PTPRM: variants seen among roughly 807,000 people sequenced by gnomAD.
PTPRM encodes receptor-type tyrosine-protein phosphatase mu.
In PTPRM, 47 loss-of-function variants were observed where a neutral mutation model predicts 186.7. The observed-to-expected ratio is 0.25, with a 90% confidence interval of 0.20 to 0.32. The LOEUF is 0.32. Among genes scored for constraint, PTPRM ranks in the 10% least tolerant of loss-of-function variants. PTPRM has a pLI of 1.00. For synonymous variants in PTPRM, 668 were observed against 674.9 expected (o/e 0.99, Z 0.16); for missense variants, 1,494 against 1,865.0 (o/e 0.80, Z 3.66).
Position 8,225,455 on chromosome 18 carries a change from T to C in PTPRM, c.2301-18603T>C, listed in dbSNP as rs4538069. 3.9e-5 allele frequency among the ~76,000 whole-genome samples: 6 copies of C among 152,306 alleles called. No homozygotes were observed. The East Asian group carries it at 9.7e-4, about 25-fold the overall frequency. On this transcript the variant is annotated intron_variant, in intron 14 of 32. Transcript: ENST00000580170. ...TCTGGTACAACAGGATGTTCTTAGCTCATCTTCTGTATTGTCTGCCCCATG... is the reference window on the plus strand; with the variant it reads ...TCTGGTACAACAGGATGTTCTTAGCCCATCTTCTGTATTGTCTGCCCCATG...
rs576329607 is a variant in PTPRM, at chr18:7,639,168, G to A, written c.73+71277G>A. ...CCACTCACTGCAAGCTCCACCTCCA[G>A]GGTTCACGCCATTCTCCTGCCTCAG... On this transcript the variant is annotated intron_variant, in intron 1 of 32. Transcript: ENST00000580170. Among the ~76,000 whole-genome samples the A allele has an allele frequency of 2.0e-5, 3 of 152,228 alleles. No homozygotes were observed. In the South Asian group the frequency reaches 6.2e-4, roughly 32 times the overall value.
chr18:7,588,079 T>G lies in PTPRM; in HGVS notation c.73+20188T>G, dbSNP rs1269956031. ...ATAATGAATCTACTTTGTTTCTTAT[T>G]AGTCTATAGGAATGCCATATAATGG... On this transcript the variant is annotated intron_variant, in intron 1 of 32. Coordinates refer to ENST00000580170, the MANE Select transcript of PTPRM (RefSeq NM_001105244.2). 5.9e-5 allele frequency among the ~76,000 whole-genome samples: 9 copies of G among 152,302 alleles called. No homozygotes were observed. The South Asian group carries it at 1.9e-3, about 32-fold the overall frequency.
intron 2 of PTPRM, among the ~76,000 whole-genome samples, chr18:7,785,367 A>G (rs989627621): frequency 3.9e-5 from 6 of 152,224 alleles, no homozygotes; most frequent in Non-Finnish European, 7.3e-5. Flanking sequence ...CCTCGTTCTT[A>G]GGAGATTCAT....
chr18:7,952,267 A>AGTTTT (rs147762355), intron 6 of PTPRM, among the ~76,000 whole-genome samples: 1,880 of 152,362 alleles, frequency 0.012, 28 homozygotes, highest in African/African-American at 0.043. Flanking sequence ...ATTTAGAATT[A>AGTTTT]GTTTTATGGT....
intron 11 of PTPRM, among the ~76,000 whole-genome samples, chr18:8,110,662 C>T (rs1054026357): frequency 3.4e-4 from 51 of 152,166 alleles, no homozygotes; most frequent in African/African-American, 1.2e-3. Context: ...GAACGTCCTC[C>T]CTGAAAGTAA....
At chr18:8,286,149 G>T (rs2094954816) in intron 19 of PTPRM, among the ~76,000 whole-genome samples, 1 of 152,242 alleles carries the variant, frequency 6.6e-6, no homozygotes, top group Admixed American at 6.5e-5. Flanking sequence ...CTCGTGAGTT[G>T]CTGCTGAGTC....
At chr18:8,336,154 A>G (rs2095437855) in intron 22 of PTPRM, among the ~76,000 whole-genome samples, 1 of 152,224 alleles carries the variant, frequency 6.6e-6, no homozygotes, top group Non-Finnish European at 1.5e-5. Flanking sequence ...ATTGTTTCAG[A>G]CAGGGAAGTG....
intron 2 of PTPRM, among the ~76,000 whole-genome samples, chr18:7,869,801 T>C (rs2146167113): frequency 6.6e-6 from 1 of 152,300 alleles, no homozygotes; most frequent in African/African-American, 2.4e-5. Flanking sequence ...CAAGTAATTA[T>C]TAGATGCTTT....
chr18:8,027,621 G>A (rs184880145), intron 7 of PTPRM, among the ~76,000 whole-genome samples: 15 of 152,188 alleles, frequency 9.9e-5, no homozygotes, highest in African/African-American at 2.4e-4. Flanking sequence ...GACTTCCCAC[G>A]TGGCAAAATA....
intron 7 of PTPRM, among the ~76,000 whole-genome samples, chr18:8,030,018 GC>G (rs1310270691): frequency 6.6e-6 from 1 of 152,124 alleles, no homozygotes; most frequent in African/African-American, 2.4e-5. Flanking sequence ...AGTAAACAGC[GC>G]AGACCAATCC....
At chr18:7,835,999 G>A (rs890392687) in intron 2 of PTPRM, among the ~76,000 whole-genome samples, 21 of 152,150 alleles carry the variant, frequency 1.4e-4, no homozygotes, top group Admixed American at 2.0e-4. Flanking sequence ...TATGCCTGAA[G>A]TATGTTTCTT....
intron 1 of PTPRM, among the ~76,000 whole-genome samples, chr18:7,713,517 A>G (rs537660589): frequency 1.1e-4 from 17 of 152,274 alleles, no homozygotes; most frequent in Admixed American, 3.9e-4. Context: ...TTCACACATA[A>G]CAATATTAAC....
chr18:8,278,853 C>T (rs533292672), intron 19 of PTPRM, among the ~76,000 whole-genome samples: 3 of 152,224 alleles, frequency 2.0e-5, no homozygotes, highest in South Asian at 4.1e-4. Flanking sequence ...TTTTTCCACC[C>T]AGAGATGTAT....
At chr18:7,862,063 C>T (rs75346347) in intron 2 of PTPRM, among the ~76,000 whole-genome samples, 2,216 of 152,158 alleles carry the variant, frequency 0.015, 23 homozygotes, top group African/African-American at 0.026. Context: ...GTTTTCATGC[C>T]GTGTACACCT....
intron 14 of PTPRM, among the ~76,000 whole-genome samples, chr18:8,176,083 C>G (rs8084434): frequency 0.076 from 11,534 of 152,144 alleles, 513 homozygotes; most frequent in Middle Eastern, 0.22. Flanking sequence ...AAGATTTAGT[C>G]CATCTAATGT....
chr18:8,042,355 A>G (rs1312198294), intron 7 of PTPRM, among the ~76,000 whole-genome samples: 1 of 152,208 alleles, frequency 6.6e-6, no homozygotes, highest in East Asian at 1.9e-4. Context: ...AGTAAAACGT[A>G]TTGTAAAATA....
intron 28 of PTPRM, among the ~76,000 whole-genome samples, chr18:8,380,085 T>G (rs1426240049): frequency 6.6e-6 from 1 of 152,260 alleles, no homozygotes; most frequent in Non-Finnish European, 1.5e-5. Flanking sequence ...AATTAAGTTT[T>G]CTTGGTATCA....
chr18:8,286,817 A>G (rs1304058754), intron 19 of PTPRM, among the ~76,000 whole-genome samples: 2 of 152,150 alleles, frequency 1.3e-5, no homozygotes, highest in East Asian at 1.9e-4. Flanking sequence ...CTAAATTTTG[A>G]TCTTTAGTTA....
chr18:8,393,603 C>T (rs573632421), intron 31 of PTPRM, among the ~76,000 whole-genome samples: 7 of 152,308 alleles, frequency 4.6e-5, no homozygotes, highest in Admixed American at 6.5e-5. Flanking sequence ...CCCAGCATCA[C>T]GTTCTTGGTT....
Sources: gnomAD v4.1 joint callset for allele counts (sites outside exome capture counted in the v4.1 genomes callset) on GRCh38, gnomAD v4.1.1 for gene constraint, MANE v1.5 for transcripts, NCBI Gene and HGNC (gene_info 2026-07-23, HGNC 2026-07-21) for gene names.